The following AGBL4 variants were observed in gnomAD, a reference collection of about 807,000 sequenced individuals.
AGBL4 encodes AGBL carboxypeptidase 4.
Under a neutral mutation model 66.4 loss-of-function variants are expected in AGBL4, and 58 were observed. The observed-to-expected ratio is 0.87, with a 90% CI of 0.71 to 1.09. The LOEUF is 1.09. Among genes scored for constraint, AGBL4 ranks in the 50% least tolerant of loss-of-function variants. AGBL4 has a pLI of 0.00. For synonymous variants in AGBL4, 234 were observed against 222.9 expected, an observed-to-expected ratio of 1.05 and a Z score of -0.44; for missense variants, 579 against 631.0, an observed-to-expected ratio of 0.92 and a Z score of 0.88.
Position 48,542,277 on chromosome 1 carries a change from T to C in AGBL4, c.1268-2539A>G, listed in dbSNP as rs187155952. Among the ~76,000 whole-genome samples, 1,155 of 152,350 alleles carry C rather than the reference T, an allele frequency of 7.6e-3. 59 individuals are homozygous for C. Among genetic ancestry groups the C allele is most frequent in the Admixed American group, 0.069 (1,052 of 15,300 alleles). On this transcript the variant is annotated intron_variant, in intron 11 of 13. Coordinates refer to ENST00000371839, the MANE Select transcript of AGBL4 (RefSeq NM_032785.4). ...TTGGGTTGGTTCCAAGTCTTTTCTA[T>C]TGTGAATAGTGCTACAATAAACATA...
chr1:49,757,280 T>G (rs1377905916), intron 2 of AGBL4, among the ~76,000 whole-genome samples: 1 of 152,256 alleles, frequency 6.6e-6, no homozygotes, highest in Non-Finnish European at 1.5e-5. Flanking sequence ...ACCTGTTTCC[T>G]TTATAAATTA....
intron 5 of AGBL4, among the ~76,000 whole-genome samples, chr1:48,875,248 G>C (rs1489523518): frequency 1.3e-5 from 2 of 152,140 alleles, no homozygotes; most frequent in Non-Finnish European, 2.9e-5. Flanking sequence ...TATCCCTCAA[G>C]CTTTACCTTG....
chr1:48,940,181 C>A (rs1406216843), intron 5 of AGBL4, among the ~76,000 whole-genome samples: 2 of 152,186 alleles, frequency 1.3e-5, no homozygotes, highest in African/African-American at 4.8e-5. Context: ...AGTTCGAAAC[C>A]AGCCTGGCCA....
chr1:49,156,380 C>T (rs986141304), intron 4 of AGBL4, among the ~76,000 whole-genome samples: 6 of 152,266 alleles, frequency 3.9e-5, no homozygotes, highest in African/African-American at 1.4e-4. Context: ...ATACAACTTA[C>T]TCCAAAATCT....
intron 6 of AGBL4, among the ~76,000 whole-genome samples, chr1:48,675,129 G>A (rs1646343641): frequency 6.6e-6 from 1 of 152,034 alleles, no homozygotes; most frequent in Admixed American, 6.5e-5. Flanking sequence ...AAATTACTAG[G>A]TACTGTGTGA....
intron 6 of AGBL4, among the ~76,000 whole-genome samples, chr1:48,821,509 A>G (rs962250586): frequency 2.0e-5 from 3 of 152,206 alleles, no homozygotes; most frequent in Non-Finnish European, 4.4e-5. Flanking sequence ...GTCAAGTACC[A>G]CATGTTTTCA....
chr1:48,604,467 T>C (rs1645125554), intron 9 of AGBL4, among the ~76,000 whole-genome samples: 1 of 152,142 alleles, frequency 6.6e-6, no homozygotes, highest in Non-Finnish European at 1.5e-5. Context: ...AAAGAACGTT[T>C]CCCCCATGTA....
chr1:49,549,858 T>G (rs1336860544), intron 3 of AGBL4, among the ~76,000 whole-genome samples: 1 of 152,212 alleles, frequency 6.6e-6, no homozygotes, highest in Non-Finnish European at 1.5e-5. Context: ...CTTGATAAGC[T>G]GTGTAGTGCT....
intron 4 of AGBL4, among the ~76,000 whole-genome samples, chr1:49,170,336 ATATAT>A (rs924879180): frequency 7.0e-6 from 1 of 142,958 alleles, no homozygotes; most frequent in Non-Finnish European, 1.5e-5. Flanking sequence ...TATAAATATC[ATATAT>A]TATATATTTA....
intron 1 of AGBL4, among the ~76,000 whole-genome samples, chr1:49,862,805 C>T: frequency 6.6e-6 from 1 of 152,078 alleles, no homozygotes; most frequent in East Asian, 1.9e-4. Flanking sequence ...AAATACCCTT[C>T]AAATATGGAG....
chr1:49,234,428 G>T (rs968751817), intron 4 of AGBL4, among the ~76,000 whole-genome samples: 1 of 152,056 alleles, frequency 6.6e-6, no homozygotes, highest in South Asian at 2.1e-4. Flanking sequence ...ATCCTCTAGG[G>T]AAAAAGGAGA....
intron 3 of AGBL4, among the ~76,000 whole-genome samples, chr1:49,390,267 T>C (rs1644818778): frequency 6.6e-6 from 1 of 152,204 alleles, no homozygotes; most frequent in Non-Finnish European, 1.5e-5. Context: ...TGTTAAAACT[T>C]GAAAATCTTT....
At chr1:49,240,379 C>T (rs1372441161) in intron 4 of AGBL4, among the ~76,000 whole-genome samples, 2 of 152,074 alleles carry the variant, frequency 1.3e-5, no homozygotes, top group Non-Finnish European at 2.9e-5. Flanking sequence ...CATGACCTGG[C>T]TTGAACTCCT....
intron 1 of AGBL4, among the ~76,000 whole-genome samples, chr1:49,897,918 G>A (rs1211558714): frequency 6.6e-6 from 1 of 152,020 alleles, no homozygotes; most frequent in Non-Finnish European, 1.5e-5. Context: ...ACATGCAGAA[G>A]AATGAAACTA....
intron 2 of AGBL4, among the ~76,000 whole-genome samples, chr1:49,815,950 A>T (rs1374268270): frequency 6.6e-6 from 1 of 152,000 alleles, no homozygotes; most frequent in Non-Finnish European, 1.5e-5. Context: ...GATTGCAATG[A>T]CAGGATCATG....
chr1:48,898,976 G>A (rs75087909), intron 5 of AGBL4, among the ~76,000 whole-genome samples: 4,493 of 152,316 alleles, frequency 0.029, 215 homozygotes, highest in African/African-American at 0.099. Flanking sequence ...TCAGCTATCT[G>A]TCTCTCCCCG....
intron 1 of AGBL4, among the ~76,000 whole-genome samples, chr1:49,885,791 T>C (rs1399318977): frequency 1.3e-5 from 2 of 152,150 alleles, no homozygotes; most frequent in African/African-American, 4.8e-5. Flanking sequence ...TTAAGGACTA[T>C]ACTAAAAACA....
intron 5 of AGBL4, among the ~76,000 whole-genome samples, chr1:49,022,753 G>A (rs1663345768): frequency 6.6e-6 from 1 of 152,128 alleles, no homozygotes; most frequent in African/African-American, 2.4e-5. Flanking sequence ...ACATACAAAT[G>A]TCTTTCTGAG....
chr1:48,939,363 A>G (rs1187036171), intron 5 of AGBL4, among the ~76,000 whole-genome samples: 1 of 152,236 alleles, frequency 6.6e-6, no homozygotes, highest in Admixed American at 6.5e-5. Context: ...TCTGATTTGT[A>G]CAGCGATTGA....
Sources: gnomAD v4.1 joint callset for allele counts (sites outside exome capture counted in the v4.1 genomes callset) on GRCh38, gnomAD v4.1.1 for gene constraint, MANE v1.5 for transcripts, NCBI Gene and HGNC (gene_info 2026-07-23, HGNC 2026-07-21) for gene names.